Variants in SULF1 observed in about 807,000 individuals in gnomAD.
SULF1 encodes sulfatase 1.
SULF1 carries 46 observed loss-of-function variants against 110.5 expected under a neutral mutation model. The ratio of observed to expected loss-of-function variants is 0.42; its 90% CI spans 0.33 to 0.53. SULF1 has a LOEUF of 0.53. SULF1 is among the 20% of genes least tolerant of loss of function. The pLI, the probability that SULF1 is intolerant of heterozygous loss-of-function variation, is 0.12. For synonymous variants in SULF1, 371 were observed against 387.1 expected, an observed-to-expected ratio of 0.96 and a Z score of 0.49; for missense variants, 941 against 1,094.2, an observed-to-expected ratio of 0.86 and a Z score of 1.98.
intron 6 of SULF1, among the ~76,000 whole-genome samples, chr8:69,578,474 G>C (rs914315039): frequency 1.5e-4 from 22 of 150,550 alleles, no homozygotes; most frequent in Admixed American, 5.3e-4. Flanking sequence ...TTTAGCATAA[G>C]GTATATCTCC....
At chr8:69,501,061 C>T (rs781625554) in intron 2 of SULF1, among the ~76,000 whole-genome samples, 1 of 152,038 alleles carries the variant, frequency 6.6e-6, no homozygotes, top group African/African-American at 2.4e-5. Context: ...CATATGTATA[C>T]GAAGGTACAA....
chr8:69,624,672 T>A lies in SULF1; in HGVS notation c.1850+475T>A, dbSNP rs760287424. ...ACACAGTCCAAGGGAGGACAGTGAG[T>A]CCCAGAGACGCTTCCAGAGAGATGA... On this transcript the variant is annotated intron_variant, in intron 15 of 22. Coordinates refer to ENST00000402687, the MANE Select transcript of SULF1 (RefSeq NM_001128205.2). 9.2e-5 allele frequency among the ~76,000 whole-genome samples: 14 copies of A among 152,080 alleles called. No individual in the cohort carries two copies. The South Asian group carries it at 1.0e-3, about 11-fold the overall frequency.
chr8:69,530,721 C>G (rs1309939839), intron 3 of SULF1, among the ~76,000 whole-genome samples: 2 of 152,200 alleles, frequency 1.3e-5, no homozygotes, highest in Non-Finnish European at 2.9e-5. Flanking sequence ...ATGGACATCA[C>G]TCTGGTCCTT....
chr8:69,650,592 A>G (rs1812262851), intron 22 of SULF1, among the ~76,000 whole-genome samples: 1 of 152,238 alleles, frequency 6.6e-6, no homozygotes, highest in African/African-American at 2.4e-5. Context: ...CCTGGATGAC[A>G]GAGCCAGACC....
At chr8:69,563,506 T>A (rs1184372836) in intron 3 of SULF1, 33 bp from the exon 4 acceptor site, 1 of 156,612 alleles carries the variant, frequency 6.4e-6, no homozygotes, top group Non-Finnish European at 1.4e-5. Flanking sequence ...CATTGACTGA[T>A]ATTTCCTTTG....
At chr8:69,493,786 T>G in intron 1 of SULF1, among the ~76,000 whole-genome samples, 1 of 152,240 alleles carries the variant, frequency 6.6e-6, no homozygotes, top group East Asian at 1.9e-4. Flanking sequence ...GGACACTAAC[T>G]TTTTAAGCAC....
At chr8:69,492,765 T>C (rs1479162808), upstream of SULF1, 1 of 152,458 alleles carries the variant, frequency 6.6e-6, no homozygotes. Context: ...CTTTTGTTTG[T>C]CTGGCAGCGT....
chr8:69,642,373 G>A (rs1315052801), intron 22 of SULF1: 4 of 987,070 alleles, frequency 4.1e-6, no homozygotes. Context: ...AAGGAAGGTG[G>A]ACTTTTGGGT....
intron 3 of SULF1, among the ~76,000 whole-genome samples, chr8:69,536,790 C>T (rs1813453852): frequency 6.6e-6 from 1 of 152,270 alleles, no homozygotes; most frequent in African/African-American, 2.4e-5. Context: ...GTGTCGAACT[C>T]ACACTCTCAT....
chr8:69,473,695 C>G (rs1170093498), intron 1 of SULF1, among the ~76,000 whole-genome samples: 2 of 152,182 alleles, frequency 1.3e-5, no homozygotes, highest in Non-Finnish European at 2.9e-5. Context: ...GCAATGGACT[C>G]TGATGTAGAT....
At chr8:69,654,752 A>G (rs998659658) in intron 22 of SULF1, among the ~76,000 whole-genome samples, 7 of 152,170 alleles carry the variant, frequency 4.6e-5, no homozygotes, top group South Asian at 2.1e-4. Context: ...TAGCCCCCTT[A>G]TGTTGAGTGT....
intron 1 of SULF1, among the ~76,000 whole-genome samples, chr8:69,487,132 C>T (rs2704033): frequency 0.48 from 72,241 of 152,036 alleles, 19,034 homozygotes; most frequent in African/African-American, 0.7. Context: ...GAAGCTACTG[C>T]AGGCCAATTT....
intron 3 of SULF1, among the ~76,000 whole-genome samples, chr8:69,502,728 C>T (rs544612971): frequency 4.0e-5 from 5 of 125,946 alleles, no homozygotes; most frequent in South Asian, 5.1e-4. Flanking sequence ...TGCTCTGTTA[C>T]GCAGGCTGGA....
At chr8:69,612,080 G>C (rs1050787021) in intron 13 of SULF1, among the ~76,000 whole-genome samples, 8 of 151,766 alleles carry the variant, frequency 5.3e-5, no homozygotes, top group African/African-American at 1.9e-4. Context: ...GCTCCCACTT[G>C]TAAGTGAGAA....
rs201010948 is a variant in SULF1, at chr8:69,524,862, A to G, written c.-134+22894A>G. 6.6e-5 allele frequency among the ~76,000 whole-genome samples: 10 copies of G among 152,324 alleles called. No homozygotes were observed. The East Asian group carries it at 1.7e-3, about 26-fold the overall frequency. On this transcript the variant is annotated intron_variant, in intron 3 of 22. Coordinates refer to ENST00000402687, the MANE Select transcript of SULF1 (RefSeq NM_001128205.2). ...AGAAAGGTGCCAAATGATACTGCAG[A>G]AAAAGGAATCCAATTTACACGTAGA...
chr8:69,611,954 C>A (rs1482187658), intron 13 of SULF1, among the ~76,000 whole-genome samples: 1 of 152,130 alleles, frequency 6.6e-6, no homozygotes, highest in Non-Finnish European at 1.5e-5. Flanking sequence ...ATCACCCAAG[C>A]AGTGTATACT....
At position 69,554,978 on chromosome 8, in the gene SULF1, C is replaced by CAAAAAAA. The variant is rs141225696; in HGVS notation, c.-133-8547_-133-8541dup. On this transcript the variant is annotated intron_variant, in intron 3 of 22. Transcript: ENST00000402687. ...TGGGCGACAGGGCGAGATTCCATCT[C>CAAAAAAA]AAAAAAAAAAAAAAAAAAAACAAAA... Among the ~76,000 whole-genome samples, 9 of 63,476 alleles carry CAAAAAAA rather than the reference C, an allele frequency of 1.4e-4. 1 individual carries two copies. The highest frequency in any genetic ancestry group is 8.0e-4 in the African/African-American group (8 of 10,060). The allele number at this position is 63,476 out of a possible 152,430, so 41.6% of individuals were successfully genotyped here. A position where few individuals can be genotyped will look rare whatever the true frequency, so the allele number is the denominator to read the frequency against.
chr8:69,535,817 G>A (rs902586628), intron 3 of SULF1, among the ~76,000 whole-genome samples: 1 of 152,086 alleles, frequency 6.6e-6, no homozygotes. Context: ...AGATCACCAG[G>A]TCAGGAGTTT....
intron 22 of SULF1, among the ~76,000 whole-genome samples, chr8:69,657,161 C>T (rs1812793369): frequency 6.6e-6 from 1 of 152,198 alleles, no homozygotes; most frequent in Non-Finnish European, 1.5e-5. Flanking sequence ...ACTAAGTATA[C>T]TTCCTCTTTA....
Sources: gnomAD v4.1 joint callset for allele counts (sites outside exome capture counted in the v4.1 genomes callset) on GRCh38, gnomAD v4.1.1 for gene constraint, MANE v1.5 for transcripts, NCBI Gene and HGNC (gene_info 2026-07-23, HGNC 2026-07-21) for gene names.